WDR59: variants seen among roughly 807,000 people sequenced by gnomAD.
WDR59 encodes GATOR2 complex protein WDR59.
A neutral mutation model predicts 131.2 loss-of-function variants in WDR59; 100 were observed. The ratio of observed to expected loss-of-function variants is 0.76; its 90% CI spans 0.65 to 0.90. WDR59 has a LOEUF of 0.90. Ranked by LOEUF, WDR59 falls within the 40% of genes least tolerant of loss-of-function variation. The pLI is 0.00. For missense variants in WDR59, 1,203 were observed against 1,262.2 expected (o/e 0.95, Z 0.71); for synonymous variants, 601 against 466.2 (o/e 1.29, Z -3.72).
chr16:74,981,516 C>T (rs2034402751), intron 1 of WDR59, among the ~76,000 whole-genome samples: 1 of 149,032 alleles, frequency 6.7e-6, no homozygotes, highest in Non-Finnish European at 1.5e-5. Flanking sequence ...CAAGATTGCA[C>T]CACTGCATTC....
At chr16:74,889,993 G>A (rs183372153) in intron 20 of WDR59, among the ~76,000 whole-genome samples, 178 bp from the exon 21 acceptor site, 10 of 152,210 alleles carry the variant, frequency 6.6e-5, no homozygotes, top group Admixed American at 5.2e-4. Context: ...CTGAATCAGC[G>A]TTTACACTTT....
chr16:74,911,565 T>A (rs559650417), intron 14 of WDR59, among the ~76,000 whole-genome samples: 62 of 152,330 alleles, frequency 4.1e-4, no homozygotes, highest in African/African-American at 1.4e-3. Context: ...AACTGATGCA[T>A]TAAATCTCTG....
chr16:74,909,928 C>T lies in WDR59; in HGVS notation c.1390-11G>A. ...TGTGTCCTTCAGGATCTAGAAAAGG[C>T]CCAAAACACAGTCAAGAAGAGGAAC... On this transcript the variant is annotated splice_polypyrimidine_tract_variant and intron_variant, in intron 14 of 25. Transcript: ENST00000262144. 6.2e-7 allele frequency: 1 copy of T among 1,601,004 alleles called. No homozygotes were observed. The highest frequency in any genetic ancestry group is 8.5e-7 in the Non-Finnish European group (1 of 1,176,204).
chr16:74,981,904 C>A (rs2034445357), intron 1 of WDR59, among the ~76,000 whole-genome samples: 1 of 135,390 alleles, frequency 7.4e-6, no homozygotes, highest in African/African-American at 2.7e-5. Context: ...GATCCGCCTA[C>A]CTCGGCCTCC....
intron 3 of WDR59, among the ~76,000 whole-genome samples, chr16:74,952,313 A>G (rs1013393245): frequency 1.3e-5 from 2 of 151,896 alleles, no homozygotes; most frequent in African/African-American, 4.8e-5. Context: ...ATGGTGGTGC[A>G]TGCCTGTGGT....
At chr16:74,951,997 T>C (rs2033029351) in intron 3 of WDR59, among the ~76,000 whole-genome samples, 2 of 151,818 alleles carry the variant, frequency 1.3e-5, no homozygotes, top group Admixed American at 6.6e-5. Context: ...TGTTTTTTTT[T>C]TTTTCTTGAG....
At chr16:74,965,339 C>A (rs1034165007) in intron 2 of WDR59, among the ~76,000 whole-genome samples, 2 of 152,148 alleles carry the variant, frequency 1.3e-5, no homozygotes, top group Non-Finnish European at 2.9e-5. Context: ...AAATCAAATT[C>A]CTTCATGAGA....
In WDR59 at chr16:74,871,627, T is replaced by TGG. The variant is rs1487775178; in HGVS notation, c.*2580_*2581dup. ...AACAAGAAAAACATCTCATTCTTGA[T>TGG]GGGGACAGATAGGGACAGGTTTTTA... On this transcript the variant is annotated 3_prime_UTR_variant, in exon 26 of 26. Transcript: ENST00000262144. 1 of 152,226 alleles carries TGG rather than the reference T, an allele frequency of 6.6e-6. No homozygotes were observed. The highest frequency in any genetic ancestry group is 1.9e-4 in the East Asian group (1 of 5,204). 9.4% of individuals were successfully genotyped at this position (152,226 alleles called of 1,614,324 possible). A position where few individuals can be genotyped will look rare whatever the true frequency, so the allele number is the denominator to read the frequency against.
At chr16:74,909,758 A>G in intron 15 of WDR59, 64 bp downstream of exon 15, 4 of 1,583,026 alleles carry the variant, frequency 2.5e-6, no homozygotes, top group Non-Finnish European at 3.4e-6. Context: ...CCATGATTTT[A>G]GGGAGAAAGA....
At chr16:74,959,315 C>T (rs1246792380) in intron 2 of WDR59, 1 of 278,610 alleles carries the variant, frequency 3.6e-6, no homozygotes, top group Non-Finnish European at 7.1e-6. Context: ...CAGACAATGA[C>T]ATTTGGACAT....
chr16:74,958,717 G>A (rs972759325), intron 2 of WDR59, among the ~76,000 whole-genome samples: 1 of 151,644 alleles, frequency 6.6e-6, no homozygotes, highest in Non-Finnish European at 1.5e-5. Context: ...CAAGGGCAAG[G>A]GGTAGGGCTA....
At chr16:74,951,406 G>C (rs923229410) in intron 4 of WDR59, 52 bp downstream of exon 4, 50 of 1,520,090 alleles carry the variant, frequency 3.3e-5, no homozygotes, top group Middle Eastern at 1.9e-4. Context: ...TCGTTCCCAG[G>C]GGACTGTGAC....
rs766996880 is a variant in WDR59 at position 74,889,819 on chromosome 16, G to T, written c.2083-4C>A. The stretch of plus-strand genomic sequence containing the variant: ...CTACCGTAGCCAGCGACCAAACCTG[G>T]ACAGATCAAAGAGAAATACAAACTC... On this transcript the variant is annotated splice_polypyrimidine_tract_variant and splice_region_variant and intron_variant, in intron 20 of 25. Transcript: ENST00000262144. 3.7e-6 allele frequency: 6 copies of T among 1,607,214 alleles called. No homozygotes were observed. Among genetic ancestry groups the T allele is most frequent in the Admixed American group, 3.4e-5 (2 of 58,462 alleles).
At chr16:74,978,186 G>A (rs958007926) in intron 1 of WDR59, among the ~76,000 whole-genome samples, 6 of 152,150 alleles carry the variant, frequency 3.9e-5, no homozygotes, top group Non-Finnish European at 7.3e-5. Flanking sequence ...AGCCAGGCGT[G>A]GTGATGGGCT....
intron 18 of WDR59, among the ~76,000 whole-genome samples, chr16:74,897,533 G>A (rs913824406): frequency 6.6e-6 from 1 of 152,190 alleles, no homozygotes; most frequent in Non-Finnish European, 1.5e-5. Context: ...ATCACAGTCT[G>A]TGTTTCCTGG....
At chr16:74,895,941 C>T (rs1048412896) in intron 18 of WDR59, among the ~76,000 whole-genome samples, 13 of 152,246 alleles carry the variant, frequency 8.5e-5, no homozygotes, top group Admixed American at 7.8e-4. Flanking sequence ...GCACAAGGGG[C>T]TTAACGAGAA....
chr16:74,901,677 C>T (rs1392576681), intron 18 of WDR59, among the ~76,000 whole-genome samples: 1 of 151,118 alleles, frequency 6.6e-6, no homozygotes, highest in Non-Finnish European at 1.5e-5. Context: ...AATTCCAAAA[C>T]CACAAAACAC....
chr16:74,921,960 C>A lies in WDR59; in HGVS notation c.873G>T (p.Arg291Ser). ...HDDVVLEFQW[R>S]KQKEGSKDYQ... Reference sequence around the variant, plus strand: ...TCTCCCACTCACCTTCCTTCTGCTTCCTCCACTGGAACTCCAGGACCACAT... The same window carrying A: ...TCTCCCACTCACCTTCCTTCTGCTTACTCCACTGGAACTCCAGGACCACAT... The change falls in exon 10 of 26, where the codon AGG (arginine) becomes AGT (serine). Residue 291 changes from arginine (R) to serine (S), a missense_variant. Physicochemically the swap from Arg to Ser is moderately radical, Grantham distance 110 (BLOSUM62 -1). Coordinates refer to ENST00000262144, the MANE Select transcript of WDR59 (RefSeq NM_030581.4). The A allele has an allele frequency of 1.9e-6, 3 of 1,614,014 alleles. No individual in the cohort carries two copies. Among genetic ancestry groups the A allele is most frequent in the Non-Finnish European group, 2.5e-6 (3 of 1,179,964 alleles).
At chr16:74,912,061 T>C (rs1966120215) in intron 14 of WDR59, 137 bp downstream of exon 14, 2 of 1,180,240 alleles carry the variant, frequency 1.7e-6, no homozygotes, top group Admixed American at 2.2e-5. Flanking sequence ...AGTTCAGAGG[T>C]TACGTTGCTA....
Sources: gnomAD v4.1 joint callset for allele counts (sites outside exome capture counted in the v4.1 genomes callset) on GRCh38, gnomAD v4.1.1 for gene constraint, MANE v1.5 for transcripts, NCBI Gene and HGNC (gene_info 2026-07-23, HGNC 2026-07-21) for gene names.